OR2L13: variants seen among roughly 807,000 people sequenced by gnomAD.
OR2L13 encodes the protein olfactory receptor 2L13.
Under a neutral mutation model 15.3 loss-of-function variants are expected in OR2L13, and 14 were observed. The ratio of observed to expected loss-of-function variants is 0.91; its 90% confidence interval spans 0.60 to 1.43. OR2L13 has a LOEUF of 1.43. Among genes scored for constraint, OR2L13 ranks in the 40% most tolerant of loss-of-function variants. The probability of loss-of-function intolerance (pLI) is 0.00; values close to 1 mark genes in which losing one functional copy is unlikely to be tolerated. For synonymous variants in OR2L13, 152 were observed against 142.9 expected (o/e 1.06, Z -0.45); for missense variants, 367 against 387.9 (o/e 0.95, Z 0.45).
At chr1:247,962,535 G>T in the OR2L13 span, among the ~76,000 whole-genome samples, 1 of 152,132 alleles carries the variant, frequency 6.6e-6, no homozygotes. Flanking sequence ...AGTATTGAAT[G>T]GTTTATCCCT....
chr1:247,984,650 C>T, the OR2L13 span, among the ~76,000 whole-genome samples: 3 of 151,992 alleles, frequency 2.0e-5, no homozygotes, highest in Non-Finnish European at 1.5e-5. Flanking sequence ...GAGAAACTTG[C>T]CAGAATTTTC....
chr1:248,015,375 C>T, the OR2L13 span, among the ~76,000 whole-genome samples: 1 of 152,078 alleles, frequency 6.6e-6, no homozygotes, highest in African/African-American at 2.4e-5. Flanking sequence ...CCGGAGGACA[C>T]TCTTCTGTGT....
At chr1:247,964,622 A>G in the OR2L13 span, among the ~76,000 whole-genome samples, 5 of 151,888 alleles carry the variant, frequency 3.3e-5, no homozygotes, top group Non-Finnish European at 5.9e-5. Context: ...TTAATACTCT[A>G]TTTTATATTA....
At chr1:247,959,697 A>T in the OR2L13 span, among the ~76,000 whole-genome samples, 4 of 152,110 alleles carry the variant, frequency 2.6e-5, no homozygotes, top group African/African-American at 9.7e-5. Context: ...TTCATTTGAT[A>T]TTCCATCACT....
At chr1:247,975,422 A>G in the OR2L13 span, 1 of 700,206 alleles carries the variant, frequency 1.4e-6, no homozygotes, top group Non-Finnish European at 2.7e-6. Flanking sequence ...GAAGGGAGGA[A>G]GAAGGCCTAT....
At chr1:248,070,568 A>G in the OR2L13 span, among the ~76,000 whole-genome samples, 1 of 152,242 alleles carries the variant, frequency 6.6e-6, no homozygotes. Flanking sequence ...TAAAAAAACT[A>G]GAGAAGCAAG....
At chr1:248,072,845 C>T in the OR2L13 span, among the ~76,000 whole-genome samples, 1,139 of 152,160 alleles carry the variant, frequency 7.5e-3, 19 homozygotes, top group African/African-American at 0.026. Context: ...CAAAAGAAGA[C>T]GTTTATGCAG....
At chr1:248,003,925 A>T in the OR2L13 span, 1 of 1,613,008 alleles carries the variant, frequency 6.2e-7, no homozygotes, top group Non-Finnish European at 8.5e-7. Flanking sequence ...GATCCCTGTA[A>T]TCTCCAACAG....
the OR2L13 span, among the ~76,000 whole-genome samples, chr1:248,036,128 T>A: frequency 6.6e-6 from 1 of 152,192 alleles, no homozygotes; most frequent in Non-Finnish European, 1.5e-5. Flanking sequence ...TCTGAGAATT[T>A]TTGTATGGTA....
the OR2L13 span, among the ~76,000 whole-genome samples, chr1:247,980,145 G>A: frequency 4.0e-5 from 6 of 151,758 alleles, no homozygotes; most frequent in African/African-American, 1.2e-4. Context: ...ATACTCTTTG[G>A]CATAAAAATT....
the OR2L13 span, among the ~76,000 whole-genome samples, chr1:248,083,092 T>C: frequency 3.3e-5 from 5 of 152,184 alleles, no homozygotes; most frequent in Admixed American, 1.3e-4. Flanking sequence ...TGTGACAATA[T>C]AGCAGTTACA....
chr1:247,966,185 G>A, the OR2L13 span: 133 of 1,613,810 alleles, frequency 8.2e-5, no homozygotes, highest in Non-Finnish European at 8.6e-5. Flanking sequence ...TCCCCTTCAC[G>A]GGATAAGGCG....
At chr1:247,962,932 A>G in the OR2L13 span, among the ~76,000 whole-genome samples, 3 of 152,180 alleles carry the variant, frequency 2.0e-5, no homozygotes, top group Non-Finnish European at 4.4e-5. Flanking sequence ...TCAAATTTCA[A>G]TACACAATAA....
chr1:248,093,318 A>G (rs754393090), upstream of OR2L13, among the ~76,000 whole-genome samples: 1 of 152,154 alleles, frequency 6.6e-6, no homozygotes, highest in Non-Finnish European at 1.5e-5. Flanking sequence ...TCTGAGATGT[A>G]TTGTCATAAA....
the OR2L13 span, among the ~76,000 whole-genome samples, chr1:248,014,009 C>A: frequency 6.6e-6 from 1 of 152,030 alleles, no homozygotes; most frequent in African/African-American, 2.4e-5. Flanking sequence ...TTAAACTATG[C>A]TTTTTTGGGC....
chr1:247,988,877 G>T, the OR2L13 span, among the ~76,000 whole-genome samples: 7 of 152,174 alleles, frequency 4.6e-5, no homozygotes, highest in South Asian at 1.2e-3. Flanking sequence ...CTAATGCTTA[G>T]ATTACATTAT....
the OR2L13 span, chr1:248,039,909 A>G: frequency 6.6e-6 from 1 of 152,200 alleles, no homozygotes; most frequent in Non-Finnish European, 1.5e-5. Flanking sequence ...GGAGCAGCCA[A>G]TTTGGCTTTA....
At chr1:247,940,549 A>G in the OR2L13 span, among the ~76,000 whole-genome samples, 1 of 152,194 alleles carries the variant, frequency 6.6e-6, no homozygotes, top group Admixed American at 6.5e-5. Context: ...AGTAACAATA[A>G]TTGTTATCAA....
the OR2L13 span, among the ~76,000 whole-genome samples, chr1:248,044,304 T>C: frequency 6.6e-6 from 1 of 152,202 alleles, no homozygotes; most frequent in East Asian, 1.9e-4. Context: ...AAATACTACA[T>C]GATCTCCCTT....
Sources: gnomAD v4.1 joint callset for allele counts (sites outside exome capture counted in the v4.1 genomes callset) on GRCh38, gnomAD v4.1.1 for gene constraint, MANE v1.5 for transcripts, NCBI Gene and HGNC (gene_info 2026-07-23, HGNC 2026-07-21) for gene names.